Variants in MCCC1 observed in about 807,000 individuals in gnomAD.
MCCC1 encodes methylcrotonyl-CoA carboxylase subunit 1.
A neutral mutation model predicts 83.8 loss-of-function variants in MCCC1; 64 were observed. The ratio of observed to expected loss-of-function variants is 0.76; its 90% CI spans 0.62 to 0.94. The LOEUF (loss-of-function observed/expected upper bound fraction) is 0.94. MCCC1 is among the 40% of genes least tolerant of loss of function. MCCC1 has a pLI of 0.00. For missense variants in MCCC1, 807 were observed against 904.7 expected (o/e 0.89, Z 1.39); for synonymous variants, 322 against 315.4 (o/e 1.02, Z -0.22).
chr3:183,036,076 G>T (rs1449452230), intron 13 of MCCC1, among the ~76,000 whole-genome samples: 1 of 150,838 alleles, frequency 6.6e-6, no homozygotes, highest in Non-Finnish European at 1.5e-5. Context: ...AACATGCGGT[G>T]TTTGGTTTAA....
At chr3:183,051,270 C>T (rs929560582) in intron 9 of MCCC1, among the ~76,000 whole-genome samples, 2 of 152,036 alleles carry the variant, frequency 1.3e-5, no homozygotes, top group Non-Finnish European at 2.9e-5. Context: ...TTGGAAGCAA[C>T]CAAGATGTCC....
intron 12 of MCCC1, 137 bp downstream of exon 12, chr3:183,038,889 T>C (rs931438501): frequency 2.5e-5 from 20 of 790,030 alleles, no homozygotes; most frequent in Admixed American, 1.6e-4. Flanking sequence ...AATTCTCCCA[T>C]GTGAAACTAT....
At chr3:183,040,840 CA>C (rs1364001800) in intron 11 of MCCC1, among the ~76,000 whole-genome samples, 1 of 152,192 alleles carries the variant, frequency 6.6e-6, no homozygotes, top group Non-Finnish European at 1.5e-5. Context: ...CTTATTCCAG[CA>C]ATTGAAATTA....
At chr3:183,042,057 T>C (rs924150376) in intron 10 of MCCC1, among the ~76,000 whole-genome samples, 11 of 152,180 alleles carry the variant, frequency 7.2e-5, no homozygotes, top group African/African-American at 2.7e-4. Flanking sequence ...AAACCAAAAC[T>C]TCTTACTAGC....
intron 1 of MCCC1, among the ~76,000 whole-genome samples, chr3:183,106,444 G>C (rs1298325170): frequency 3.3e-5 from 5 of 150,988 alleles, no homozygotes; most frequent in African/African-American, 1.2e-4. Context: ...TGCAAGAATA[G>C]TACCCTTCAC....
Position 183,057,359 on chromosome 3 carries a change from G to C in MCCC1, c.825C>G (p.Asp275Glu), listed in dbSNP as rs1457499945. Reference protein sequence around the residue: ...HGNAVYLFERDCSVQRRHQKI... With the variant: ...HGNAVYLFERECSVQRRHQKI... Reference sequence around the variant, plus strand: ...TCTGATGTCGCCTCTGCACACTACAGTCTCTTTCAAACAAGTACACAGCAT... The same window carrying C: ...TCTGATGTCGCCTCTGCACACTACACTCTCTTTCAAACAAGTACACAGCAT... Residue 275 changes from aspartate (D) to glutamate (E), a missense_variant, in exon 8 of 19, where the codon GAC (aspartate) becomes GAG (glutamate). Asp to Glu is a conservative substitution (Grantham distance 45, BLOSUM62 2). Coordinates refer to ENST00000265594, the MANE Select transcript of MCCC1 (RefSeq NM_020166.5). The C allele has an allele frequency of 6.2e-7, 1 of 1,611,068 alleles. No homozygotes were observed. The highest frequency in any genetic ancestry group is 2.2e-5 in the East Asian group (1 of 44,870).
chr3:183,060,810 T>C (rs1366206184), intron 7 of MCCC1, among the ~76,000 whole-genome samples: 1 of 117,834 alleles, frequency 8.5e-6, no homozygotes, highest in Non-Finnish European at 1.8e-5. Context: ...CACCTATGAG[T>C]GAGAACATGC....
intron 4 of MCCC1, among the ~76,000 whole-genome samples, chr3:183,073,521 C>T (rs916427220): frequency 9.2e-5 from 14 of 152,246 alleles, no homozygotes; most frequent in Non-Finnish European, 1.8e-4. Context: ...ATGCCTGAAA[C>T]TATGAATACT....
intron 10 of MCCC1, 112 bp from the exon 11 acceptor site, chr3:183,041,862 T>G (rs957161519): frequency 1.7e-6 from 2 of 1,202,682 alleles, no homozygotes; most frequent in African/African-American, 3.0e-5. Flanking sequence ...GGTTTTGCAA[T>G]GCAGCCAAAT....
intron 4 of MCCC1, among the ~76,000 whole-genome samples, chr3:183,080,224 A>C (rs1053509842): frequency 6.6e-6 from 1 of 152,202 alleles, no homozygotes; most frequent in Non-Finnish European, 1.5e-5. Flanking sequence ...CCACATTGTC[A>C]GGCTGCACAT....
intron 12 of MCCC1, among the ~76,000 whole-genome samples, chr3:183,038,581 G>A (rs1560221087): frequency 6.6e-6 from 1 of 152,174 alleles, no homozygotes; most frequent in Non-Finnish European, 1.5e-5. Flanking sequence ...CTCTATTAAA[G>A]GGATGAAACT....
chr3:183,019,563 T>C (rs189787265), intron 17 of MCCC1, among the ~76,000 whole-genome samples: 2 of 152,216 alleles, frequency 1.3e-5, no homozygotes, highest in Non-Finnish European at 2.9e-5. Context: ...ATTTGATGGA[T>C]TTCCCAGCCT....
chr3:183,045,625 T>A, intron 9 of MCCC1, 85 bp from the exon 10 acceptor site: 1 of 1,412,564 alleles, frequency 7.1e-7, no homozygotes, highest in South Asian at 1.2e-5. Context: ...ACATCAAGTT[T>A]TACCGCTGTC....
chr3:183,023,120 T>C (rs1712294007), intron 15 of MCCC1, among the ~76,000 whole-genome samples: 1 of 152,158 alleles, frequency 6.6e-6, no homozygotes, highest in Non-Finnish European at 1.5e-5. Context: ...TCAGAGACCA[T>C]ATGCCAAAGA....
Position 183,056,977 on chromosome 3 carries a change from G to A in MCCC1, c.873+334C>T, listed in dbSNP as rs560457862. On this transcript the variant is annotated intron_variant, in intron 8 of 18. Transcript: ENST00000265594. Reference sequence around the variant, plus strand: ...CCCAAAGGGCTGGGACTACAGGCGTGAGCCACCGCGCCTGGCCATTCATTA... The same window carrying A: ...CCCAAAGGGCTGGGACTACAGGCGTAAGCCACCGCGCCTGGCCATTCATTA... 1.4e-4 allele frequency among the ~76,000 whole-genome samples: 22 copies of A among 152,316 alleles called. No individual in the cohort carries two copies. In the East Asian group the frequency reaches 3.5e-3, roughly 24 times the overall value.
intron 15 of MCCC1, 89 bp downstream of exon 15, chr3:183,025,663 GCTT>G (rs1712534402): frequency 4.3e-6 from 5 of 1,165,922 alleles, no homozygotes; most frequent in Non-Finnish European, 6.5e-6. Flanking sequence ...ATAGTCAAAG[GCTT>G]AAGGGAAACC....
rs1717219370 is a variant in MCCC1, at chr3:183,078,149, A to G, written c.370-5662T>C. 2.0e-5 allele frequency among the ~76,000 whole-genome samples: 3 copies of G among 152,294 alleles called. 1 individual carries two copies. The South Asian group carries it at 6.2e-4, about 32-fold the overall frequency. On this transcript the variant is annotated intron_variant, in intron 4 of 18. Coordinates refer to ENST00000265594, the MANE Select transcript of MCCC1 (RefSeq NM_020166.5). ...ATTCTCCTGCCTCAGCCTCCTGAGC[A>G]GCTAGGATTACAGGCACCTGTCACC... is the stretch of plus-strand genomic sequence containing the variant.
rs1711533253 is a variant in MCCC1 at position 183,015,364 on chromosome 3, G to A, written c.*74C>T. On this transcript the variant is annotated 3_prime_UTR_variant, in exon 19 of 19. Coordinates refer to ENST00000265594, the MANE Select transcript of MCCC1 (RefSeq NM_020166.5). Reference sequence around the variant, plus strand: ...AAAACTGCTCTTTATGAGACCCCCAGAAAAGCTGGAGGCACTTCCTCTTTT... The same window carrying A: ...AAAACTGCTCTTTATGAGACCCCCAAAAAAGCTGGAGGCACTTCCTCTTTT... 2.6e-6 allele frequency: 4 copies of A among 1,548,812 alleles called. No homozygotes were observed. Among genetic ancestry groups the A allele is most frequent in the African/African-American group, 1.4e-5 (1 of 73,498 alleles).
intron 4 of MCCC1, among the ~76,000 whole-genome samples, chr3:183,078,926 G>A (rs1717283340): frequency 6.6e-6 from 1 of 152,196 alleles, no homozygotes; most frequent in South Asian, 2.1e-4. Context: ...GGCAAAGAGA[G>A]AGCTTGTGCA....
Sources: gnomAD v4.1 joint callset for allele counts (sites outside exome capture counted in the v4.1 genomes callset) on GRCh38, gnomAD v4.1.1 for gene constraint, MANE v1.5 for transcripts, NCBI Gene and HGNC (gene_info 2026-07-23, HGNC 2026-07-21) for gene names.